DNAH8: variants seen among roughly 807,000 people sequenced by gnomAD.
The protein encoded by DNAH8 is axonemal beta dynein heavy chain 8.
Under a neutral mutation model 562.1 loss-of-function variants are expected in DNAH8, and 382 were observed. That is an observed-to-expected ratio of 0.68 (90% CI 0.63 to 0.74). The LOEUF (loss-of-function observed/expected upper bound fraction) is 0.74, where lower values mean the gene tolerates loss of function less well. DNAH8 is among the 30% of genes least tolerant of loss of function. The probability of loss-of-function intolerance (pLI) is 0.00; values close to 1 mark genes in which losing one functional copy is unlikely to be tolerated. For missense variants in DNAH8, 5,203 were observed against 5,620.4 expected (o/e 0.93, Z 2.37); for synonymous variants, 1,881 against 1,919.4 (o/e 0.98, Z 0.52).
Position 38,872,538 on chromosome 6 carries a change from A to G in DNAH8, c.6993A>G (p.Leu2331=). ...TAATTTACTGGTTAATTGTGTAGTT[A>G]TATGAGACGTCTTTGGTACGGCATG... ...HPPWNLKLVQ[L]YETSLVRHGL... Residue 2331 remains leucine (L), a splice_region_variant and synonymous_variant, in exon 50 of 93, where the codon TTA becomes TTG. Transcript: ENST00000327475. 6.2e-7 allele frequency: 1 copy of G among 1,613,818 alleles called. No homozygotes were observed. Among genetic ancestry groups the G allele is most frequent in the Non-Finnish European group, 8.5e-7 (1 of 1,179,766 alleles).
rs1773535552 is a variant in DNAH8 at position 38,828,253 on chromosome 6, T to C, written c.4153T>C (p.Leu1385=). Reference sequence around the variant, plus strand: ...AGAAGAATCAGAAGCAGTTGATACCTTAAGATATTCTTTCAACAAATTGCA... The same window carrying C: ...AGAAGAATCAGAAGCAGTTGATACCCTAAGATATTCTTTCAACAAATTGCA... ...TKEESEAVDT[L]RYSFNKLQSK... Residue 1385 remains leucine, a synonymous_variant, in exon 30 of 93, where the codon TTA becomes CTA. Coordinates refer to ENST00000327475, the MANE Select transcript of DNAH8 (RefSeq NM_001206927.2). The C allele has an allele frequency of 6.3e-7, 1 of 1,588,484 alleles. No individual in the cohort carries two copies. The highest frequency in any genetic ancestry group is 8.5e-7 in the Non-Finnish European group (1 of 1,169,606).
At chr6:38,851,518 A>G in intron 38 of DNAH8, 54 bp from the exon 39 acceptor site, 1 of 1,073,020 alleles carries the variant, frequency 9.3e-7, no homozygotes, top group East Asian at 2.4e-5. Flanking sequence ...TAAAAAAATA[A>G]TAATTTAGGG....
intron 1 of DNAH8, among the ~76,000 whole-genome samples, chr6:38,715,937 T>A (rs970334104): frequency 0.044 from 1,074 of 24,152 alleles, 68 homozygotes; most frequent in Non-Finnish European, 0.054. Flanking sequence ...TATATATATA[T>A]ATATATATAT....
intron 32 of DNAH8, among the ~76,000 whole-genome samples, chr6:38,835,550 C>G (rs1337174649): frequency 6.6e-6 from 1 of 152,128 alleles, no homozygotes; most frequent in Non-Finnish European, 1.5e-5. Context: ...AGAATCTAAG[C>G]TGCATCTTGA....
chr6:38,821,362 G>T (rs1311587262), intron 26 of DNAH8, among the ~76,000 whole-genome samples: 2 of 152,164 alleles, frequency 1.3e-5, no homozygotes, highest in Non-Finnish European at 2.9e-5. Flanking sequence ...TGGGTTGGAA[G>T]ATCTAATATT....
chr6:38,863,676 T>A (rs1776815176), intron 44 of DNAH8, among the ~76,000 whole-genome samples, 197 bp from the exon 45 acceptor site: 1 of 152,224 alleles, frequency 6.6e-6, no homozygotes, highest in Non-Finnish European at 1.5e-5. Context: ...CTGTTTCCAT[T>A]GTTTTGATGA....
chr6:38,820,735 A>G (rs1772748530), intron 26 of DNAH8, among the ~76,000 whole-genome samples: 1 of 152,210 alleles, frequency 6.6e-6, no homozygotes, highest in Non-Finnish European at 1.5e-5. Flanking sequence ...AAAATACACC[A>G]TATGAATAGA....
chr6:39,012,305 A>G lies in DNAH8; in HGVS notation c.13462A>G (p.Ile4488Val), dbSNP rs10484847. ...EIDRMQRVIS[I>V]LRSSLSDLKL... ...TGACAGAATGCAAAGAGTCATTTCA[A>G]TACTCCGCAGTAGCCTGAGTGATCT... is the stretch of plus-strand genomic sequence containing the variant. The change falls in exon 90 of 93, where the codon ATA becomes GTA. Residue 4488 changes from isoleucine (I) to valine (V), a missense_variant. Ile to Val is a conservative substitution (Grantham distance 29, BLOSUM62 3). Coordinates refer to ENST00000327475, the MANE Select transcript of DNAH8 (RefSeq NM_001206927.2). The G allele has an allele frequency of 0.16, 250,241 of 1,611,998 alleles. 20,859 individuals carry two copies. Among genetic ancestry groups the G allele is most frequent in the Middle Eastern group, 0.21 (1,281 of 6,048 alleles).
chr6:38,805,424 A>T, intron 22 of DNAH8, 57 bp from the exon 23 acceptor site: 1 of 1,086,268 alleles, frequency 9.2e-7, no homozygotes. Context: ...GCCATGTAGA[A>T]TACAGACAAT....
At chr6:38,981,565 T>C (rs1023353567) in intron 85 of DNAH8, among the ~76,000 whole-genome samples, 1 of 152,234 alleles carries the variant, frequency 6.6e-6, no homozygotes, top group African/African-American at 2.4e-5. Context: ...TTTTTAGTTT[T>C]CAAAATCTGA....
At chr6:38,993,635 A>G (rs1464402870) in intron 88 of DNAH8, among the ~76,000 whole-genome samples, 1 of 152,068 alleles carries the variant, frequency 6.6e-6, no homozygotes, top group Non-Finnish European at 1.5e-5. Context: ...ACATATATAC[A>G]TATTGTTATT....
rs1447862832 is a variant in DNAH8 at position 38,954,479 on chromosome 6, C to T, written c.12451+2959C>T. Among the ~76,000 whole-genome samples, 2 of 1,318 alleles carry T rather than the reference C, an allele frequency of 1.5e-3. 1 individual carries two copies. Among genetic ancestry groups the T allele is most frequent in the Non-Finnish European group, 2.6e-3 (2 of 768 alleles). 0.9% of individuals were successfully genotyped at this position (1,318 alleles called of 152,430 possible). On this transcript the variant is annotated intron_variant, in intron 82 of 92. Coordinates refer to ENST00000327475, the MANE Select transcript of DNAH8 (RefSeq NM_001206927.2). ...CAGCACTTTGGGAGGCCGAGACGGG[C>T]GGATCACGAGGTCAGGAGATCGAGA...
At chr6:38,787,695 CAAAA>C (rs67293877) in intron 18 of DNAH8, among the ~76,000 whole-genome samples, 1 of 79,618 alleles carries the variant, frequency 1.3e-5, no homozygotes, top group Non-Finnish European at 2.4e-5. Flanking sequence ...GACTCCATCT[CAAAA>C]AAAAAAAAAA....
chr6:38,935,285 C>A (rs1049790764), intron 76 of DNAH8, among the ~76,000 whole-genome samples: 3 of 152,124 alleles, frequency 2.0e-5, no homozygotes, highest in Non-Finnish European at 2.9e-5. Flanking sequence ...ATGGGACATG[C>A]TATTTATAAA....
rs142667213 is a variant in DNAH8, at chr6:38,951,357, G to C, written c.12288G>C (p.Lys4096Asn). 14 of 1,614,156 alleles carry C rather than the reference G, an allele frequency of 8.7e-6. No individual in the cohort carries two copies. Among genetic ancestry groups the C allele is most frequent in the African/African-American group, 4.0e-5 (3 of 75,042 alleles). ...CPDRTVFQAR[K>N]YIADSLEEKY... ...ACCGTACTGTTTTTCAAGCAAGAAA[G>C]TATATTGCAGATTCTTTGGAGGAGA... Residue 4096 changes from lysine (K) to asparagine (N), a missense_variant, in exon 82 of 93, where the codon AAG becomes AAC. Lys to Asn is a moderately conservative substitution (Grantham distance 94, BLOSUM62 0). This residue lies in a region of DNAH8 where 1,399 missense variants were observed against 1,518.4 expected (regional missense o/e 0.92). Coordinates refer to ENST00000327475, the MANE Select transcript of DNAH8 (RefSeq NM_001206927.2).
intron 32 of DNAH8, 44 bp from the exon 33 acceptor site, chr6:38,837,898 T>C (rs1562952064): frequency 1.5e-6 from 2 of 1,291,956 alleles, no homozygotes; most frequent in South Asian, 2.5e-5. Flanking sequence ...TTAATTCTAC[T>C]GAATTAATTG....
At chr6:38,809,091 A>T (rs908445465) in intron 24 of DNAH8, among the ~76,000 whole-genome samples, 1 of 145,926 alleles carries the variant, frequency 6.9e-6, no homozygotes. Flanking sequence ...AAGTACGATT[A>T]AAAAAAAAAA....
intron 11 of DNAH8, among the ~76,000 whole-genome samples, chr6:38,766,448 GATGTA>G (rs912783571): frequency 2.0e-5 from 3 of 152,262 alleles, no homozygotes; most frequent in East Asian, 3.9e-4. Context: ...AAATTCTGGA[GATGTA>G]ATGTACTGTA....
intron 80 of DNAH8, among the ~76,000 whole-genome samples, chr6:38,947,438 T>C (rs1475759266): frequency 1.3e-5 from 2 of 152,224 alleles, no homozygotes; most frequent in African/African-American, 4.8e-5. Context: ...GAAATGGAGA[T>C]GGACATCCAG....
Sources: gnomAD v4.1 joint callset for allele counts (sites outside exome capture counted in the v4.1 genomes callset) on GRCh38, gnomAD v4.1.1 for gene constraint, gnomAD v4.1.1 regional missense constraint, MANE v1.5 for transcripts, NCBI Gene and HGNC (gene_info 2026-07-23, HGNC 2026-07-21) for gene names.